Variants in CDH18 observed in about 807,000 individuals in gnomAD.
CDH18 encodes the protein cadherin 18.
CDH18 carries 31 observed loss-of-function variants against 67.9 expected under a neutral mutation model. The ratio of observed to expected loss-of-function variants is 0.46; its 90% confidence interval spans 0.34 to 0.62. The LOEUF (loss-of-function observed/expected upper bound fraction) is 0.62, where lower values mean the gene tolerates loss of function less well. Ranked by LOEUF, CDH18 falls within the 20% of genes least tolerant of loss-of-function variation. The pLI is 0.01. For synonymous variants in CDH18, 362 were observed against 347.2 expected, an observed-to-expected ratio of 1.04 and a Z score of -0.48; for missense variants, 890 against 975.5, an observed-to-expected ratio of 0.91 and a Z score of 1.17.
intron 2 of CDH18, among the ~76,000 whole-genome samples, chr5:20,123,570 C>T (rs1380263903): frequency 6.6e-6 from 1 of 152,106 alleles, no homozygotes. Context: ...CTGACAATTG[C>T]ACGAAACGTT....
intron 2 of CDH18, among the ~76,000 whole-genome samples, chr5:19,840,321 G>A (rs922850542): frequency 1.3e-4 from 20 of 150,170 alleles, no homozygotes; most frequent in Non-Finnish European, 1.8e-4. Context: ...GAAGACATGA[G>A]TGTAGGTTAT....
chr5:19,916,043 T>C (rs893919276), intron 2 of CDH18, among the ~76,000 whole-genome samples: 3 of 152,174 alleles, frequency 2.0e-5, no homozygotes, highest in African/African-American at 7.2e-5. Flanking sequence ...CTTCCCTCTT[T>C]GTCTGGCACC....
At chr5:20,436,603 A>T (rs931092517) in intron 1 of CDH18, among the ~76,000 whole-genome samples, 2 of 151,470 alleles carry the variant, frequency 1.3e-5, no homozygotes, top group African/African-American at 4.8e-5. Context: ...GTATTTCTTA[A>T]ATATATATAA....
At chr5:19,536,657 A>C (rs367983022) in intron 9 of CDH18, among the ~76,000 whole-genome samples, 2 of 152,198 alleles carry the variant, frequency 1.3e-5, no homozygotes, top group East Asian at 3.9e-4. Context: ...CATTGGATTC[A>C]TATAGGGCAA....
At chr5:19,828,592 AT>A (rs1455018900) in intron 3 of CDH18, among the ~76,000 whole-genome samples, 1 of 152,238 alleles carries the variant, frequency 6.6e-6, no homozygotes. Flanking sequence ...AACATTGCAA[AT>A]CAATAAGCGT....
At chr5:19,748,776 G>C (rs1449906902) in intron 3 of CDH18, among the ~76,000 whole-genome samples, 1 of 152,014 alleles carries the variant, frequency 6.6e-6, no homozygotes, top group African/African-American at 2.4e-5. Flanking sequence ...TGCAATATGA[G>C]AAAAAGATTT....
chr5:19,549,116 G>C (rs773975937), intron 8 of CDH18, among the ~76,000 whole-genome samples: 9 of 152,116 alleles, frequency 5.9e-5, no homozygotes, highest in Non-Finnish European at 1.2e-4. Context: ...TTTCCTTTCT[G>C]AATCTCATAT....
intron 3 of CDH18, among the ~76,000 whole-genome samples, chr5:19,817,758 T>C (rs1404313867): frequency 1.3e-5 from 2 of 152,032 alleles, no homozygotes; most frequent in Non-Finnish European, 2.9e-5. Flanking sequence ...ATGTATGATA[T>C]ATTTTTTTGA....
chr5:19,859,701 C>T (rs941758061), intron 2 of CDH18, among the ~76,000 whole-genome samples: 13 of 152,130 alleles, frequency 8.5e-5, no homozygotes, highest in Non-Finnish European at 1.9e-4. Flanking sequence ...AGGAAGCCCC[C>T]CATTTCCAGT....
At chr5:20,206,942 G>A (rs1248169171) in intron 2 of CDH18, among the ~76,000 whole-genome samples, 1 of 151,864 alleles carries the variant, frequency 6.6e-6, no homozygotes, top group Non-Finnish European at 1.5e-5. Flanking sequence ...CTGAAACAAG[G>A]ATGCCCATTA....
chr5:20,168,608 A>G (rs1736472078), intron 2 of CDH18, among the ~76,000 whole-genome samples: 1 of 152,156 alleles, frequency 6.6e-6, no homozygotes, highest in Non-Finnish European at 1.5e-5. Context: ...AAAATAGACT[A>G]TATAAAAATA....
chr5:19,794,564 TCC>T (rs1273789111), intron 3 of CDH18, among the ~76,000 whole-genome samples: 2 of 152,062 alleles, frequency 1.3e-5, no homozygotes, highest in Non-Finnish European at 2.9e-5. Flanking sequence ...TTTTTTTCTC[TCC>T]CTCTCTCTCT....
intron 1 of CDH18, among the ~76,000 whole-genome samples, chr5:20,500,493 G>A (rs562050304): frequency 6.0e-4 from 92 of 152,164 alleles, no homozygotes; most frequent in Non-Finnish European, 7.1e-4. Flanking sequence ...AACTCATCTC[G>A]CCTCTAAATT....
chr5:19,871,197 T>C (rs1389308777), intron 2 of CDH18, among the ~76,000 whole-genome samples: 2 of 152,106 alleles, frequency 1.3e-5, no homozygotes, highest in African/African-American at 4.8e-5. Flanking sequence ...TTTAAAAAAA[T>C]TCACTAATAG....
chr5:20,023,942 G>C (rs1738665289), intron 2 of CDH18, among the ~76,000 whole-genome samples: 1 of 152,122 alleles, frequency 6.6e-6, no homozygotes, highest in Non-Finnish European at 1.5e-5. Context: ...GTACTGATTA[G>C]AGAAACTTAA....
At chr5:20,538,737 A>T (rs547000183) in intron 1 of CDH18, among the ~76,000 whole-genome samples, 130 of 152,138 alleles carry the variant, frequency 8.5e-4, no homozygotes, top group Non-Finnish European at 1.6e-3. Flanking sequence ...TCAGCTTCTC[A>T]TCTTCTTGAT....
At chr5:19,721,246 T>A (rs1766047792) in intron 5 of CDH18, 101 bp downstream of exon 5, 4 of 1,110,204 alleles carry the variant, frequency 3.6e-6, no homozygotes, top group Middle Eastern at 4.3e-4. Flanking sequence ...TATGTTAAAA[T>A]CACATCATCT....
chr5:20,364,712 A>G (rs1260113592), intron 1 of CDH18, among the ~76,000 whole-genome samples: 4 of 152,204 alleles, frequency 2.6e-5, no homozygotes, highest in Non-Finnish European at 4.4e-5. Flanking sequence ...AATGTATACT[A>G]TGTAACTATT....
intron 9 of CDH18, among the ~76,000 whole-genome samples, chr5:19,529,813 T>C (rs1748307930): frequency 1.3e-5 from 2 of 152,156 alleles, no homozygotes; most frequent in African/African-American, 4.8e-5. Context: ...ACTGAAAACA[T>C]ACTGTGTTTA....
Sources: gnomAD v4.1 joint callset for allele counts (sites outside exome capture counted in the v4.1 genomes callset) on GRCh38, gnomAD v4.1.1 for gene constraint, MANE v1.5 for transcripts, NCBI Gene and HGNC (gene_info 2026-07-23, HGNC 2026-07-21) for gene names.